The following MICU2 variants were observed in gnomAD, a reference collection of about 807,000 sequenced individuals.
MICU2 encodes the protein calcium uptake protein 2, mitochondrial.
In MICU2, 64 loss-of-function variants were observed where a neutral mutation model predicts 60.4. That is an observed-to-expected ratio of 1.06 (90% confidence interval 0.87 to 1.31). The LOEUF is 1.31. Among genes scored for constraint, MICU2 ranks in the 50% most tolerant of loss-of-function variants. The pLI, the probability that MICU2 is intolerant of heterozygous loss-of-function variation, is 0.00. For synonymous variants in MICU2, 201 were observed against 175.0 expected, an observed-to-expected ratio of 1.15 and a Z score of -1.17; for missense variants, 569 against 531.0, an observed-to-expected ratio of 1.07 and a Z score of -0.70.
At chr13:21,565,339 C>T (rs1887954084) in intron 2 of MICU2, among the ~76,000 whole-genome samples, 1 of 151,184 alleles carries the variant, frequency 6.6e-6, no homozygotes. Flanking sequence ...ACCAGCCTGG[C>T]CAACATGGTG....
At chr13:21,579,079 C>G (rs982948388) in intron 1 of MICU2, among the ~76,000 whole-genome samples, 1 of 152,046 alleles carries the variant, frequency 6.6e-6, no homozygotes, top group African/African-American at 2.4e-5. Context: ...CATTAACAGA[C>G]TGTAATGAGA....
chr13:21,523,124 C>T (rs1439734578), intron 4 of MICU2, among the ~76,000 whole-genome samples: 1 of 152,164 alleles, frequency 6.6e-6, no homozygotes, highest in Non-Finnish European at 1.5e-5. Flanking sequence ...GATGGGTTTA[C>T]ACCATTGACT....
chr13:21,537,547 G>A (rs2137997001), intron 4 of MICU2, among the ~76,000 whole-genome samples: 1 of 148,686 alleles, frequency 6.7e-6, no homozygotes, highest in African/African-American at 2.5e-5. Context: ...TCGGCTCACT[G>A]CAACCTCTGC....
At chr13:21,497,210 A>G (rs2138128469) in intron 9 of MICU2, among the ~76,000 whole-genome samples, 1 of 151,220 alleles carries the variant, frequency 6.6e-6, no homozygotes, top group Admixed American at 6.6e-5. Flanking sequence ...GAAAAAAAAA[A>G]AAAAATTAGC....
intron 6 of MICU2, among the ~76,000 whole-genome samples, chr13:21,518,063 A>T (rs1272540814): frequency 6.6e-6 from 1 of 152,222 alleles, no homozygotes; most frequent in Non-Finnish European, 1.5e-5. Context: ...ATCCTTACAT[A>T]TTCTTTTGGA....
chr13:21,544,707 C>A (rs1887374764), intron 2 of MICU2, among the ~76,000 whole-genome samples: 1 of 152,150 alleles, frequency 6.6e-6, no homozygotes, highest in Non-Finnish European at 1.5e-5. Flanking sequence ...GGCTAGAGTG[C>A]AGTGGCATGG....
intron 7 of MICU2, among the ~76,000 whole-genome samples, chr13:21,512,581 G>A (rs1294844516): frequency 6.6e-6 from 1 of 151,296 alleles, no homozygotes; most frequent in Non-Finnish European, 1.5e-5. Flanking sequence ...CTGAGTAGCT[G>A]GGACTACGGG....
At chr13:21,499,308 C>T (rs1886083969) in intron 9 of MICU2, among the ~76,000 whole-genome samples, 1 of 152,252 alleles carries the variant, frequency 6.6e-6, no homozygotes, top group African/African-American at 2.4e-5. Context: ...GCTTATTAGT[C>T]ATTTGTGGAT....
chr13:21,529,219 A>AAG (rs1886929722), intron 4 of MICU2, among the ~76,000 whole-genome samples: 1 of 152,120 alleles, frequency 6.6e-6, no homozygotes, highest in Admixed American at 6.5e-5. Flanking sequence ...GGGAGGGGCA[A>AAG]AGAGAGAGAG....
intron 1 of MICU2, among the ~76,000 whole-genome samples, chr13:21,585,373 T>C (rs1038612808): frequency 1.1e-4 from 17 of 152,226 alleles, no homozygotes; most frequent in Admixed American, 6.5e-5. Flanking sequence ...CAATGTTTCA[T>C]GGTTATTAAA....
At chr13:21,587,858 A>T (rs1280515492) in intron 1 of MICU2, among the ~76,000 whole-genome samples, 1 of 152,236 alleles carries the variant, frequency 6.6e-6, no homozygotes, top group Non-Finnish European at 1.5e-5. Flanking sequence ...CTAAATGTGC[A>T]CTTTAAGTAG....
In MICU2 at chr13:21,598,773, A is replaced by G. The variant is rs149150438; in HGVS notation, c.210+5166T>C. On this transcript the variant is annotated intron_variant, in intron 1 of 11. Transcript: ENST00000382374. ...AGCTTTACTTTTAGTCTCATCATCT[A>G]CTGTTGAGTATCTACTTAGTGAAAT... Among the ~76,000 whole-genome samples the G allele has an allele frequency of 2.1e-4, 32 of 152,302 alleles. No homozygotes were observed. In the East Asian group the frequency reaches 6.0e-3, roughly 29 times the overall value.
At chr13:21,598,336 G>T (rs1240509078) in intron 1 of MICU2, among the ~76,000 whole-genome samples, 1 of 152,156 alleles carries the variant, frequency 6.6e-6, no homozygotes, top group Admixed American at 6.5e-5. Context: ...TATCACTGTT[G>T]TCAACTGTGA....
intron 1 of MICU2, among the ~76,000 whole-genome samples, chr13:21,570,304 T>C (rs1888078956): frequency 6.9e-6 from 1 of 144,960 alleles, no homozygotes; most frequent in Admixed American, 6.7e-5. Context: ...TAGTAGAATT[T>C]TAAAAGTACA....
intron 6 of MICU2, 32 bp from the exon 7 acceptor site, chr13:21,514,450 G>C (rs746190461): frequency 1.3e-6 from 2 of 1,543,444 alleles, no homozygotes; most frequent in Non-Finnish European, 8.9e-7. Context: ...GTTTACATGT[G>C]TGCCTACCAG....
At chr13:21,500,147 G>C (rs1287457325) in intron 9 of MICU2, among the ~76,000 whole-genome samples, 1 of 56,814 alleles carries the variant, frequency 1.8e-5, no homozygotes, top group Non-Finnish European at 4.6e-5. Flanking sequence ...GGGCCTCTCA[G>C]CATCATGCCC....
chr13:21,570,899 C>G (rs1888092690), intron 1 of MICU2, among the ~76,000 whole-genome samples: 2 of 152,190 alleles, frequency 1.3e-5, no homozygotes, highest in Admixed American at 6.5e-5. Context: ...AAATGCATGC[C>G]AAATTATTCC....
chr13:21,562,321 C>A (rs987725516), intron 2 of MICU2, among the ~76,000 whole-genome samples: 6 of 152,074 alleles, frequency 3.9e-5, no homozygotes, highest in Non-Finnish European at 7.4e-5. Flanking sequence ...AGTTTACAGT[C>A]CCACCAACAG....
chr13:21,602,106 AC>A (rs201204311), intron 1 of MICU2, among the ~76,000 whole-genome samples: 9,318 of 137,858 alleles, frequency 0.068, 700 homozygotes, highest in African/African-American at 0.16. Context: ...CTCCATCTCA[AC>A]AACAAAAAAA....
Sources: allele counts gnomAD v4.1 joint callset (sites outside exome capture counted in the v4.1 genomes callset), GRCh38; gene constraint gnomAD v4.1.1; transcripts MANE v1.5; gene names NCBI Gene and HGNC (gene_info 2026-07-23, HGNC 2026-07-21).